The following MND1 variants were observed in gnomAD, a reference collection of about 807,000 sequenced individuals.
MND1 encodes meiotic nuclear division protein 1 homolog.
Under a neutral mutation model 35.1 loss-of-function variants are expected in MND1, and 28 were observed. The ratio of observed to expected loss-of-function variants is 0.80; its 90% CI spans 0.59 to 1.09. The LOEUF (loss-of-function observed/expected upper bound fraction) is 1.09, where lower values mean the gene tolerates loss of function less well. Ranked by LOEUF, MND1 falls within the 50% of genes least tolerant of loss-of-function variation. The probability of loss-of-function intolerance (pLI) is 0.00; values close to 1 mark genes in which losing one functional copy is unlikely to be tolerated. For missense variants in MND1, 213 were observed against 239.6 expected, an observed-to-expected ratio of 0.89 and a Z score of 0.73; for synonymous variants, 69 against 70.5, an observed-to-expected ratio of 0.98 and a Z score of 0.11.
At chr4:153,364,671 G>A (rs1281655452) in intron 4 of MND1, among the ~76,000 whole-genome samples, 1 of 152,148 alleles carries the variant, frequency 6.6e-6, no homozygotes, top group African/African-American at 2.4e-5. Flanking sequence ...AACAAAATGT[G>A]AAAGTGGAAT....
At chr4:153,398,025 A>T (rs1287498769) in intron 6 of MND1, among the ~76,000 whole-genome samples, 1 of 152,220 alleles carries the variant, frequency 6.6e-6, no homozygotes, top group Non-Finnish European at 1.5e-5. Context: ...TCTAGGAAAA[A>T]TGATACCATA....
chr4:153,404,094 G>A (rs184641493), intron 6 of MND1, among the ~76,000 whole-genome samples: 1 of 150,698 alleles, frequency 6.6e-6, no homozygotes, highest in African/African-American at 2.4e-5. Context: ...AAGCCCATGT[G>A]TTGGACTTAC....
chr4:153,407,301 TA>T (rs888858427), intron 6 of MND1, among the ~76,000 whole-genome samples: 1 of 152,206 alleles, frequency 6.6e-6, no homozygotes. Flanking sequence ...CTATCTCTAC[TA>T]AAAATACAAA....
intron 4 of MND1, among the ~76,000 whole-genome samples, chr4:153,365,090 G>A (rs1037260200): frequency 3.0e-5 from 4 of 131,930 alleles, no homozygotes; most frequent in Non-Finnish European, 6.2e-5. Context: ...AGAACCAGAT[G>A]TTGTTGCCAC....
chr4:153,373,559 C>G (rs146754150), intron 4 of MND1, among the ~76,000 whole-genome samples: 2 of 152,102 alleles, frequency 1.3e-5, no homozygotes, highest in African/African-American at 4.8e-5. Context: ...AGCTTAATGT[C>G]AGTGTTTATT....
intron 4 of MND1, among the ~76,000 whole-genome samples, chr4:153,384,443 A>ATTT (rs561004288): frequency 3.6e-4 from 23 of 63,188 alleles, no homozygotes; most frequent in East Asian, 1.2e-3. Flanking sequence ...CTAATGTTTA[A>ATTT]TTTTTTTTTT....
chr4:153,399,320 G>C (rs907842819), intron 6 of MND1, among the ~76,000 whole-genome samples: 37 of 152,070 alleles, frequency 2.4e-4, no homozygotes, highest in African/African-American at 8.7e-4. Context: ...ATGGGCAGGT[G>C]ACCCTCACTG....
Position 153,358,474 on chromosome 4 carries a change from C to T in MND1, c.128C>T (p.Thr43Ile). ...EKIAPKEKGI[T>I]AMSVKEVLQS... ...AGAGTCTTTAAAAATTGTCTCTTAG[C>T]TGCTATGTCAGTAAAAGAAGTCCTT... Residue 43 changes from threonine (T) to isoleucine (I), a missense_variant and splice_region_variant, in exon 4 of 8, where the codon ACT becomes ATT. Coordinates refer to ENST00000240488, the MANE Select transcript of MND1 (RefSeq NM_032117.4). The T allele has an allele frequency of 6.3e-7, 1 of 1,585,996 alleles. No individual in the cohort carries two copies. Among genetic ancestry groups the T allele is most frequent in the African/African-American group, 1.4e-5 (1 of 74,044 alleles).
intron 4 of MND1, among the ~76,000 whole-genome samples, chr4:153,390,683 A>G (rs1005092080): frequency 6.6e-6 from 1 of 151,716 alleles, no homozygotes; most frequent in Non-Finnish European, 1.5e-5. Flanking sequence ...TCATCTCTAC[A>G]AAAAAAATAC....
chr4:153,393,368 C>CTTTTTT (rs60689772), intron 4 of MND1, among the ~76,000 whole-genome samples: 4 of 125,338 alleles, frequency 3.2e-5, no homozygotes, highest in African/African-American at 8.8e-5. Context: ...CAATTTCTTT[C>CTTTTTT]TTTTTTTTTT....
At chr4:153,354,873 A>G (rs1430918622) in intron 2 of MND1, among the ~76,000 whole-genome samples, 2 of 152,140 alleles carry the variant, frequency 1.3e-5, no homozygotes, top group Non-Finnish European at 2.9e-5. Context: ...AAATAATTGT[A>G]TGCTGCTGGC....
At chr4:153,344,801 C>G (rs1390846464) in intron 1 of MND1, 61 bp downstream of exon 1, 3 of 1,582,418 alleles carry the variant, frequency 1.9e-6, no homozygotes, top group Non-Finnish European at 2.6e-6. Context: ...CTTCGCCGCC[C>G]CTCGGCTGCA....
chr4:153,352,565 G>A (rs541082690), intron 2 of MND1, among the ~76,000 whole-genome samples: 46 of 152,008 alleles, frequency 3.0e-4, no homozygotes, highest in African/African-American at 1.0e-3. Context: ...TGCCCAGGTC[G>A]TAAGTGCTTT....
chr4:153,349,991 C>T, intron 1 of MND1, 73 bp from the exon 2 acceptor site: 1 of 1,064,830 alleles, frequency 9.4e-7, no homozygotes, highest in Non-Finnish European at 1.4e-6. Context: ...CATAAAATTT[C>T]AAATGTTGCA....
chr4:153,362,465 G>T (rs1040623110), intron 4 of MND1, among the ~76,000 whole-genome samples: 1 of 152,052 alleles, frequency 6.6e-6, no homozygotes, highest in African/African-American at 2.4e-5. Context: ...ATGCCTGCTC[G>T]CCCTGAGTAA....
intron 2 of MND1, among the ~76,000 whole-genome samples, chr4:153,353,973 G>T (rs771907252): frequency 2.6e-5 from 4 of 152,214 alleles, no homozygotes; most frequent in Non-Finnish European, 5.9e-5. Flanking sequence ...ACCCGCCTCA[G>T]CCTCCCAAAG....
chr4:153,354,670 T>G (rs1773297454), intron 2 of MND1, among the ~76,000 whole-genome samples: 1 of 152,032 alleles, frequency 6.6e-6, no homozygotes, highest in East Asian at 1.9e-4. Flanking sequence ...ACCCAGCTAA[T>G]TTTTTTGATT....
chr4:153,405,739 TAACTC>T (rs954018358), intron 6 of MND1, among the ~76,000 whole-genome samples: 1 of 152,130 alleles, frequency 6.6e-6, no homozygotes, highest in African/African-American at 2.4e-5. Flanking sequence ...TCAAAAAAAT[TAACTC>T]AAATGGATCA....
intron 1 of MND1, among the ~76,000 whole-genome samples, chr4:153,347,160 T>G (rs969622618): frequency 6.6e-6 from 1 of 152,178 alleles, no homozygotes; most frequent in African/African-American, 2.4e-5. Flanking sequence ...CCTATTGGAC[T>G]AGAAAAATAT....
Sources: allele counts gnomAD v4.1 joint callset (sites outside exome capture counted in the v4.1 genomes callset), GRCh38; gene constraint gnomAD v4.1.1; transcripts MANE v1.5; gene names NCBI Gene and HGNC (gene_info 2026-07-23, HGNC 2026-07-21).